Variants in ADAMTS17 observed in about 807,000 individuals in gnomAD.
ADAMTS17 encodes A disintegrin and metalloproteinase with thrombospondin motifs 17.
A neutral mutation model predicts 141.5 loss-of-function variants in ADAMTS17; 113 were observed. The ratio of observed to expected loss-of-function variants is 0.80; its 90% confidence interval spans 0.69 to 0.93. The LOEUF is 0.93. Among genes scored for constraint, ADAMTS17 ranks in the 40% least tolerant of loss-of-function variants. The pLI is 0.00. For missense variants in ADAMTS17, 1,659 were observed against 1,517.9 expected, an observed-to-expected ratio of 1.09 and a Z score of -1.54; for synonymous variants, 768 against 630.6, an observed-to-expected ratio of 1.22 and a Z score of -3.27.
rs749156998 is a variant in ADAMTS17 at position 99,997,557 on chromosome 15, G to C, written c.2624C>G (p.Ala875Gly). The change falls in exon 19 of 22, where the codon GCG (alanine) becomes GGG (glycine). Residue 875 changes from alanine (A) to glycine (G), a missense_variant. By Grantham distance (60) the Ala-to-Gly change is moderately conservative. Transcript: ENST00000268070. This position sits in a 1 kb window ranked among gnomAD's most constrained non-coding sequence, Gnocchi z 4.7. ...WVAGPWSPCSATCEKGFQHRE... is the reference protein window; with the variant it reads ...WVAGPWSPCSGTCEKGFQHRE... ...GTGCTGGAAGCCTTTCTCACAGGTC[G>C]CCGAGCAGGGGCTCCACGGGCCTGC... 1.6e-5 allele frequency: 26 copies of C among 1,613,346 alleles called. No homozygotes were observed. Among genetic ancestry groups the C allele is most frequent in the Non-Finnish European group, 2.1e-5 (25 of 1,180,028 alleles).
intron 15 of ADAMTS17, among the ~76,000 whole-genome samples, chr15:100,080,660 G>A (rs927462904): frequency 5.3e-5 from 8 of 152,204 alleles, no homozygotes; most frequent in African/African-American, 1.7e-4. Context: ...ACCAGCTGCA[G>A]AAATGAAGTC....
intron 18 of ADAMTS17, among the ~76,000 whole-genome samples, chr15:100,039,867 T>G (rs1318304234): frequency 6.6e-6 from 1 of 152,240 alleles, no homozygotes; most frequent in African/African-American, 2.4e-5. Flanking sequence ...TTCATTTCTG[T>G]CAGTTTTGCT....
chr15:100,271,019 C>T (rs7163183), intron 4 of ADAMTS17, among the ~76,000 whole-genome samples: 117,618 of 151,626 alleles, frequency 0.78, 46,195 homozygotes, highest in East Asian at 0.95. Flanking sequence ...GTGACTGGCT[C>T]ATTTCACGTA....
chr15:100,122,736 A>G (rs372753602), intron 12 of ADAMTS17, among the ~76,000 whole-genome samples: 25 of 152,338 alleles, frequency 1.6e-4, no homozygotes, highest in African/African-American at 5.8e-4. Context: ...CATAAGGAAG[A>G]GAAAATATAT....
rs1426884953 is a variant in ADAMTS17 at position 100,243,804 on chromosome 15, G to GA, written c.1075+10331dup. ...GACTCCATCTTAAAAAAAAAAAAAA[G>GA]AAAGAAAAGAAAAAGAAATGAAATG... is the stretch of plus-strand genomic sequence containing the variant. On this transcript the variant is annotated intron_variant, in intron 7 of 21. Transcript: ENST00000268070. Among the ~76,000 whole-genome samples the GA allele has an allele frequency of 7.8e-4, 64 of 81,648 alleles. No homozygotes were observed. In the South Asian group the frequency reaches 0.012, roughly 15 times the overall value. The allele number at this position is 81,648 out of a possible 152,430, so 53.6% of individuals were successfully genotyped here. A position where few individuals can be genotyped will look rare whatever the true frequency, so the allele number is the denominator to read the frequency against.
chr15:100,093,806 T>C (rs2035607471), intron 15 of ADAMTS17, among the ~76,000 whole-genome samples: 1 of 152,040 alleles, frequency 6.6e-6, no homozygotes, highest in African/African-American at 2.4e-5. Context: ...CGACTGTACC[T>C]GGGGTGGGGA....
intron 13 of ADAMTS17, among the ~76,000 whole-genome samples, chr15:100,109,339 C>A (rs569499237): frequency 4.2e-4 from 64 of 152,260 alleles, no homozygotes; most frequent in Non-Finnish European, 8.5e-4. Context: ...TCTCTCATCT[C>A]TCTATCCTTT....
At chr15:100,141,550 T>C (rs1373695130) in intron 10 of ADAMTS17, among the ~76,000 whole-genome samples, 1 of 151,854 alleles carries the variant, frequency 6.6e-6, no homozygotes, top group Non-Finnish European at 1.5e-5. Flanking sequence ...TACTGCAGTG[T>C]GAAGTCTTCC....
intron 3 of ADAMTS17, among the ~76,000 whole-genome samples, chr15:100,330,651 G>A (rs2046023218): frequency 6.6e-6 from 1 of 152,054 alleles, no homozygotes; most frequent in Non-Finnish European, 1.5e-5. Context: ...TAAAATTGAG[G>A]GACTGCATGA....
chr15:100,112,101 G>A (rs895775337), intron 13 of ADAMTS17, among the ~76,000 whole-genome samples: 1 of 152,218 alleles, frequency 6.6e-6, no homozygotes, highest in Admixed American at 6.5e-5. Flanking sequence ...GCTGTTTTGA[G>A]GCAAGTTAGA....
chr15:100,195,013 C>T (rs1211962915), intron 8 of ADAMTS17, among the ~76,000 whole-genome samples: 2 of 152,290 alleles, frequency 1.3e-5, no homozygotes, highest in Admixed American at 1.3e-4. Flanking sequence ...GAAAGGGACA[C>T]AGCTGCCTTC....
chr15:100,190,953 G>A lies in ADAMTS17; in HGVS notation c.1181+8365C>T, dbSNP rs80307747. Among the ~76,000 whole-genome samples the A allele has an allele frequency of 6.4e-3, 969 of 152,288 alleles. 12 individuals are homozygous for A. The highest frequency in any genetic ancestry group is 0.021 in the African/African-American group (881 of 41,560). On this transcript the variant is annotated intron_variant, in intron 8 of 21. Transcript: ENST00000268070. ...CCGAGTCTCCACTGGGCCACATAGCGCCGTGGGAAGGGAGGTGGCTCACCG... is the reference window on the plus strand; with the variant it reads ...CCGAGTCTCCACTGGGCCACATAGCACCGTGGGAAGGGAGGTGGCTCACCG...
chr15:100,074,892 A>G (rs2034258571), intron 15 of ADAMTS17, among the ~76,000 whole-genome samples: 1 of 152,116 alleles, frequency 6.6e-6, no homozygotes, highest in Non-Finnish European at 1.5e-5. Flanking sequence ...TTTCCTCTAT[A>G]CTTTATTTCC....
At chr15:99,998,527 C>T (rs1390970906) in intron 18 of ADAMTS17, among the ~76,000 whole-genome samples, 3 of 152,190 alleles carry the variant, frequency 2.0e-5, no homozygotes, top group Non-Finnish European at 4.4e-5. Context: ...TCGCTTGAAC[C>T]CAGGGGGTGG....
intron 8 of ADAMTS17, among the ~76,000 whole-genome samples, chr15:100,184,822 T>TG (rs58343683): frequency 0.013 from 1,938 of 152,266 alleles, 45 homozygotes; most frequent in African/African-American, 0.043. Flanking sequence ...CTGGGGGCCC[T>TG]TCCAGAGCTC....
At chr15:100,246,709 T>C (rs1292531015) in intron 7 of ADAMTS17, among the ~76,000 whole-genome samples, 1 of 152,128 alleles carries the variant, frequency 6.6e-6, no homozygotes, top group East Asian at 1.9e-4. Flanking sequence ...GTCTGGAGAC[T>C]ACACTTTTTT....
At chr15:100,312,167 C>G (rs971422564) in intron 3 of ADAMTS17, among the ~76,000 whole-genome samples, 1 of 152,204 alleles carries the variant, frequency 6.6e-6, no homozygotes, top group African/African-American at 2.4e-5. Flanking sequence ...AAATGTGATC[C>G]AGCTAAGGTT....
intron 18 of ADAMTS17, among the ~76,000 whole-genome samples, chr15:100,020,565 G>A (rs1196855780): frequency 3.3e-5 from 5 of 152,282 alleles, no homozygotes; most frequent in African/African-American, 7.2e-5. Flanking sequence ...AGCCAGCCAG[G>A]CCCCTGACAA....
At chr15:100,334,658 G>A (rs1376456207) in intron 2 of ADAMTS17, among the ~76,000 whole-genome samples, 2 of 152,182 alleles carry the variant, frequency 1.3e-5, no homozygotes, top group Admixed American at 6.5e-5. Flanking sequence ...ACACGGCCAC[G>A]CGGGGCTTCC....
Sources: allele counts gnomAD v4.1 joint callset (sites outside exome capture counted in the v4.1 genomes callset), GRCh38; gene constraint gnomAD v4.1.1; non-coding constraint Gnocchi (gnomAD v3.1); transcripts MANE v1.5; gene names NCBI Gene and HGNC (gene_info 2026-07-23, HGNC 2026-07-21).